Variants in SOS1 observed in about 807,000 individuals in gnomAD.
The protein encoded by SOS1 is SOS Ras/Rac guanine nucleotide exchange factor 1, also known as son of sevenless homolog 1.
A neutral mutation model predicts 157.6 loss-of-function variants in SOS1; 25 were observed. That is an observed-to-expected ratio of 0.16 (90% CI 0.12 to 0.22). The LOEUF (loss-of-function observed/expected upper bound fraction) is 0.22. SOS1 is among the 10% of genes least tolerant of loss of function. The pLI is 1.00. For missense variants in SOS1, 1,237 were observed against 1,599.1 expected, an observed-to-expected ratio of 0.77 and a Z score of 3.86; for synonymous variants, 528 against 534.0, an observed-to-expected ratio of 0.99 and a Z score of 0.16.
rs1558480577 is a variant in SOS1 at position 39,035,313 on chromosome 2, G to T, written c.976-3C>A. 1 of 1,611,984 alleles carries T rather than the reference G, an allele frequency of 6.2e-7. No homozygotes were observed. The highest frequency in any genetic ancestry group is 2.2e-5 in the East Asian group (1 of 44,840). On this transcript the variant is annotated splice_polypyrimidine_tract_variant and splice_region_variant and intron_variant, in intron 7 of 22. Transcript: ENST00000402219. ...TCTTTGAAACCTTCGCCTATTGACT[G>T]GAAAAAAAAGTGATTTAATTTTTTT...
At position 38,998,823 on chromosome 2, in the gene SOS1, C is replaced by T. The variant is rs552618589; in HGVS notation, c.2792-1398G>A. Among the ~76,000 whole-genome samples the T allele has an allele frequency of 2.6e-5, 4 of 152,274 alleles. No homozygotes were observed. In the East Asian group the frequency reaches 7.7e-4, roughly 29 times the overall value. Reference sequence around the variant, plus strand: ...TTGAGGAGAAAAAAGATCCTGAGTTCGTTCACTCCCCACATGTGTACGGAT... The same window carrying T: ...TTGAGGAGAAAAAAGATCCTGAGTTTGTTCACTCCCCACATGTGTACGGAT... On this transcript the variant is annotated intron_variant, in intron 17 of 22. Transcript: ENST00000402219.
In SOS1 at chr2:39,003,073, A is replaced by AAAAACAAACAAAC. The variant is rs1553352680; in HGVS notation, c.2791+3338_2791+3339insGTTTGTTTGTTTT. On this transcript the variant is annotated intron_variant, in intron 17 of 22. Transcript: ENST00000402219. Reference sequence around the variant, plus strand: ...TAAAGTGAGACCTTGTATCAAAAAAAAAAAAGAACGTAGGGGTAGGGGAAA... The same window carrying AAAAACAAACAAAC: ...TAAAGTGAGACCTTGTATCAAAAAAAAAAACAAACAAACAAAAAGAACGTAGGGGTAGGGGAAA... Among the ~76,000 whole-genome samples, 361 of 148,142 alleles carry AAAAACAAACAAAC rather than the reference A, an allele frequency of 2.4e-3. 2 individuals are homozygous for AAAAACAAACAAAC. Among genetic ancestry groups the AAAAACAAACAAAC allele is most frequent in the South Asian group, 0.019 (88 of 4,748 alleles).
chr2:39,015,427 A>G lies in SOS1; in HGVS notation c.1859-581T>C, dbSNP rs142311028. Among the ~76,000 whole-genome samples, 34 of 152,248 alleles carry G rather than the reference A, an allele frequency of 2.2e-4. No individual in the cohort carries two copies. In the East Asian group the frequency reaches 4.8e-3, roughly 22 times the overall value. On this transcript the variant is annotated intron_variant, in intron 10 of 22. Coordinates refer to ENST00000402219, the MANE Select transcript of SOS1 (RefSeq NM_005633.4). ...CAAATACTTATAAGCTATTAAAACT[A>G]TTAAATGTGATAGAATATGTTGGTT...
chr2:39,083,239 T>C (rs946583957), intron 1 of SOS1, among the ~76,000 whole-genome samples: 9 of 152,038 alleles, frequency 5.9e-5, no homozygotes, highest in African/African-American at 2.2e-4. Context: ...TACAAGTAGA[T>C]AAAAATCTCC....
chr2:39,123,876 G>C (rs1180515183), upstream of SOS1, among the ~76,000 whole-genome samples: 1 of 152,210 alleles, frequency 6.6e-6, no homozygotes, highest in Non-Finnish European at 1.5e-5. Context: ...CGGGCTAAGA[G>C]GTTGGGCATG....
At chr2:39,098,942 T>C (rs1347843097) in intron 1 of SOS1, among the ~76,000 whole-genome samples, 1 of 152,120 alleles carries the variant, frequency 6.6e-6, no homozygotes, top group East Asian at 1.9e-4. Context: ...AATTTTAAAA[T>C]GGGCAAAGGA....
intron 8 of SOS1, among the ~76,000 whole-genome samples, chr2:39,028,607 G>A (rs546723371): frequency 2.0e-5 from 3 of 152,166 alleles, no homozygotes; most frequent in East Asian, 1.9e-4. Context: ...TTTCAGTCCC[G>A]TGACTTTTCA....
intron 8 of SOS1, among the ~76,000 whole-genome samples, chr2:39,026,349 C>A: frequency 2.6e-5 from 2 of 75,482 alleles, no homozygotes; most frequent in Non-Finnish European, 2.7e-5. Context: ...AGTGAGACTC[C>A]GTCTCAAAAA....
intron 1 of SOS1, among the ~76,000 whole-genome samples, chr2:39,113,845 T>A (rs1673537559): frequency 6.6e-6 from 1 of 152,198 alleles, no homozygotes; most frequent in Non-Finnish European, 1.5e-5. Context: ...CAATCTTGAA[T>A]CTCTTTTTTG....
rs201639147 is a variant in SOS1, at chr2:39,046,495, C to CT, written c.864+4648dup. On this transcript the variant is annotated intron_variant, in intron 6 of 22. Coordinates refer to ENST00000402219, the MANE Select transcript of SOS1 (RefSeq NM_005633.4). ...TTATTTATTTATTTTGAGACAGTGT[C>CT]TTTTTTTTTTTTTTTTTTTTTTTTT... Among the ~76,000 whole-genome samples, 10 of 124,376 alleles carry CT rather than the reference C, an allele frequency of 8.0e-5. 1 individual carries two copies. The highest frequency in any genetic ancestry group is 3.3e-4 in the African/African-American group (10 of 30,222). The allele number at this position is 124,376 out of a possible 152,430, so 81.6% of individuals were successfully genotyped here.
chr2:39,103,764 A>G (rs1218049231), intron 1 of SOS1, among the ~76,000 whole-genome samples: 1 of 152,264 alleles, frequency 6.6e-6, no homozygotes, highest in African/African-American at 2.4e-5. Flanking sequence ...CACAAAAAGC[A>G]CAAGACAATG....
At chr2:39,024,335 C>A (rs1669888546) in intron 8 of SOS1, among the ~76,000 whole-genome samples, 198 bp from the exon 9 acceptor site, 1 of 151,884 alleles carries the variant, frequency 6.6e-6, no homozygotes, top group South Asian at 2.1e-4. Context: ...ATTAAAAGAC[C>A]AAGATTAGCA....
chr2:39,064,614 C>T (rs1462359846), intron 2 of SOS1, among the ~76,000 whole-genome samples: 1 of 152,114 alleles, frequency 6.6e-6, no homozygotes, highest in Non-Finnish European at 1.5e-5. Context: ...ATTCTTTGAA[C>T]GAATCTTCCC....
At chr2:39,060,438 T>G (rs942697339) in intron 2 of SOS1, among the ~76,000 whole-genome samples, 5 of 152,240 alleles carry the variant, frequency 3.3e-5, no homozygotes, top group African/African-American at 1.2e-4. Flanking sequence ...GTATATTTAT[T>G]TATTCTGAGA....
intron 1 of SOS1, among the ~76,000 whole-genome samples, chr2:39,101,609 A>G (rs1310148235): frequency 6.6e-6 from 1 of 152,182 alleles, no homozygotes; most frequent in African/African-American, 2.4e-5. Flanking sequence ...TGACAAAGCA[A>G]CATTTATATT....
chr2:39,014,854 GA>G lies in SOS1; in HGVS notation c.1859-9del. On this transcript the variant is annotated splice_polypyrimidine_tract_variant and intron_variant, in intron 10 of 22. Transcript: ENST00000402219. ...TCCGAACAAAATTGGGATCTAAGAA[GA>G]AAAAGGAAAAATATCTTATTAAACT... The G allele has an allele frequency of 7.0e-7, 1 of 1,428,076 alleles. No individual in the cohort carries two copies. Among genetic ancestry groups the G allele is most frequent in the Non-Finnish European group, 9.9e-7 (1 of 1,012,170 alleles). The allele number at this position is 1,428,076 out of a possible 1,614,324, so 88.5% of individuals were successfully genotyped here.
chr2:39,079,056 G>A (rs955610646), intron 1 of SOS1, among the ~76,000 whole-genome samples: 14 of 6,736 alleles, frequency 2.1e-3, no homozygotes, highest in Non-Finnish European at 3.6e-3. Flanking sequence ...GGGAGACTCT[G>A]TCTCCCAAAA....
chr2:39,109,002 C>T (rs895952207), intron 1 of SOS1, among the ~76,000 whole-genome samples: 9 of 152,116 alleles, frequency 5.9e-5, no homozygotes, highest in Admixed American at 3.3e-4. Context: ...AGTTCAAGAC[C>T]AGCCTAGGCA....
chr2:38,987,414 G>T, intron 22 of SOS1, 59 bp downstream of exon 22: 1 of 871,560 alleles, frequency 1.1e-6, no homozygotes, highest in Non-Finnish European at 1.9e-6. Context: ...CTAGACAGCC[G>T]TTTATTATAA....
Sources: allele counts gnomAD v4.1 joint callset (sites outside exome capture counted in the v4.1 genomes callset), GRCh38; gene constraint gnomAD v4.1.1; transcripts MANE v1.5; gene names NCBI Gene and HGNC (gene_info 2026-07-23, HGNC 2026-07-21).